DNAH7: variants seen among roughly 807,000 people sequenced by gnomAD.
DNAH7 encodes axonemal beta dynein heavy chain 7.
In DNAH7, 397 loss-of-function variants were observed where a neutral mutation model predicts 444.6. The ratio of observed to expected loss-of-function variants is 0.89; its 90% CI spans 0.82 to 0.97. The LOEUF is 0.97. DNAH7 is among the 50% of genes least tolerant of loss of function. The probability of loss-of-function intolerance (pLI) is 0.00; values close to 1 mark genes in which losing one functional copy is unlikely to be tolerated. For synonymous variants in DNAH7, 1,636 were observed against 1,624.4 expected (o/e 1.01, Z -0.17); for missense variants, 4,902 against 4,800.8 (o/e 1.02, Z -0.62).
chr2:195,967,168 T>C (rs954401031), intron 17 of DNAH7, among the ~76,000 whole-genome samples: 1 of 152,148 alleles, frequency 6.6e-6, no homozygotes, highest in Non-Finnish European at 1.5e-5. Context: ...GAAAATAATA[T>C]CTTATAACCC....
chr2:195,961,059 G>T, intron 17 of DNAH7, 114 bp from the exon 18 acceptor site: 2 of 789,802 alleles, frequency 2.5e-6, no homozygotes, highest in Non-Finnish European at 3.6e-6. Context: ...ACTAAGCCCT[G>T]AAGTTAAACT....
intron 35 of DNAH7, 43 bp from the exon 36 acceptor site, chr2:195,882,035 T>C: frequency 1.3e-6 from 2 of 1,532,260 alleles, no homozygotes; most frequent in South Asian, 1.2e-5. Flanking sequence ...TATAAAATAC[T>C]TTAAAAAGCT....
intron 5 of DNAH7, among the ~76,000 whole-genome samples, chr2:196,028,645 G>T (rs1390818578): frequency 6.6e-6 from 1 of 152,204 alleles, no homozygotes; most frequent in Non-Finnish European, 1.5e-5. Context: ...TTTGTGACAT[G>T]TTCTGGGGCT....
At chr2:195,950,599 AGCACTTTGGGAG>A (rs1296387131) in intron 19 of DNAH7, among the ~76,000 whole-genome samples, 1 of 151,940 alleles carries the variant, frequency 6.6e-6, no homozygotes, top group Non-Finnish European at 1.5e-5. Flanking sequence ...CTGTAATCCC[AGCACTTTGGGAG>A]GCTGAAGCGG....
At chr2:195,746,600 A>G (rs1693422339) in intron 63 of DNAH7, among the ~76,000 whole-genome samples, 1 of 152,254 alleles carries the variant, frequency 6.6e-6, no homozygotes, top group Non-Finnish European at 1.5e-5. Context: ...TTGGAAGTAA[A>G]GCTGTCCTCA....
intron 61 of DNAH7, 27 bp from the exon 62 acceptor site, chr2:195,756,312 A>T (rs372890943): frequency 1.3e-6 from 2 of 1,572,656 alleles, no homozygotes; most frequent in South Asian, 2.3e-5. Flanking sequence ...CTTGGTTAAT[A>T]TAATAGTATA....
At chr2:195,849,655 G>A (rs912488791) in intron 46 of DNAH7, among the ~76,000 whole-genome samples, 9 of 152,052 alleles carry the variant, frequency 5.9e-5, no homozygotes, top group African/African-American at 2.2e-4. Flanking sequence ...AGGCTGGAGT[G>A]CAGTGGCATG....
chr2:195,746,769 G>C (rs1274741549), intron 63 of DNAH7, among the ~76,000 whole-genome samples: 2 of 152,124 alleles, frequency 1.3e-5, no homozygotes, highest in African/African-American at 4.8e-5. Flanking sequence ...CGAAATGAAG[G>C]CAGAAATAAA....
rs375876351 is a variant in DNAH7 at position 196,030,259 on chromosome 2, T to G, written c.399-2212A>C. Among the ~76,000 whole-genome samples, 24 of 152,236 alleles carry G rather than the reference T, an allele frequency of 1.6e-4. No individual in the cohort carries two copies. The East Asian group carries it at 3.9e-3, about 24-fold the overall frequency. On this transcript the variant is annotated intron_variant, in intron 5 of 64. Coordinates refer to ENST00000312428, the MANE Select transcript of DNAH7 (RefSeq NM_018897.3). ...GGTTTCACCTTATCAAACCATCAGATCCCATGAGACTTACTCACTATCATA... is the reference window on the plus strand; with the variant it reads ...GGTTTCACCTTATCAAACCATCAGAGCCCATGAGACTTACTCACTATCATA...
intron 2 of DNAH7, among the ~76,000 whole-genome samples, chr2:196,054,142 A>G (rs1359443350): frequency 1.3e-5 from 2 of 152,224 alleles, no homozygotes; most frequent in Non-Finnish European, 2.9e-5. Flanking sequence ...GCCCTTTAAG[A>G]CCAAAATCGA....
intron 21 of DNAH7, among the ~76,000 whole-genome samples, chr2:195,929,491 T>C (rs1413620723): frequency 6.6e-6 from 1 of 152,074 alleles, no homozygotes; most frequent in Admixed American, 6.6e-5. Flanking sequence ...GGCTATCATA[T>C]CCAACACAGC....
chr2:195,822,735 A>C (rs1697530102), intron 49 of DNAH7, among the ~76,000 whole-genome samples: 1 of 152,224 alleles, frequency 6.6e-6, no homozygotes, highest in Non-Finnish European at 1.5e-5. Context: ...TAGTGAACTA[A>C]AAATTGTTTA....
At chr2:196,052,758 C>T (rs764450699) in intron 2 of DNAH7, among the ~76,000 whole-genome samples, 2 of 152,140 alleles carry the variant, frequency 1.3e-5, no homozygotes, top group Non-Finnish European at 2.9e-5. Context: ...TGGAGCTAAG[C>T]CTTAAAGCAT....
At chr2:195,750,284 T>C (rs937546129) in intron 63 of DNAH7, among the ~76,000 whole-genome samples, 2 of 152,174 alleles carry the variant, frequency 1.3e-5, no homozygotes, top group African/African-American at 4.8e-5. Context: ...TTATGTTCAG[T>C]ATATAATAAT....
At chr2:195,744,744 G>C (rs1693281086) in intron 63 of DNAH7, among the ~76,000 whole-genome samples, 1 of 152,224 alleles carries the variant, frequency 6.6e-6, no homozygotes, top group South Asian at 2.1e-4. Flanking sequence ...CAGGCAAACA[G>C]GGTCCGGAGT....
chr2:195,804,303 T>A (rs1696608746), intron 54 of DNAH7, among the ~76,000 whole-genome samples: 1 of 152,214 alleles, frequency 6.6e-6, no homozygotes, highest in South Asian at 2.1e-4. Flanking sequence ...TGTATTATTT[T>A]ATCATACATA....
chr2:196,045,644 T>C (rs1349012185), intron 5 of DNAH7, among the ~76,000 whole-genome samples: 1 of 152,080 alleles, frequency 6.6e-6, no homozygotes, highest in Admixed American at 6.5e-5. Context: ...TTAAATCATG[T>C]TAAGGTCTTT....
chr2:196,050,863 C>T (rs1299066522), intron 3 of DNAH7, among the ~76,000 whole-genome samples: 1 of 152,228 alleles, frequency 6.6e-6, no homozygotes, highest in Admixed American at 6.5e-5. Flanking sequence ...AGGTAAGTGA[C>T]TCCCCAAAGG....
chr2:195,738,751 A>AAACT (rs1692807962), intron 64 of DNAH7, among the ~76,000 whole-genome samples: 2 of 152,236 alleles, frequency 1.3e-5, no homozygotes, highest in Admixed American at 1.3e-4. Flanking sequence ...GAGTAAGAAC[A>AAACT]AACTATGTTC....
Sources: allele counts gnomAD v4.1 joint callset (sites outside exome capture counted in the v4.1 genomes callset), GRCh38; gene constraint gnomAD v4.1.1; transcripts MANE v1.5; gene names NCBI Gene and HGNC (gene_info 2026-07-23, HGNC 2026-07-21).